SOBP: variants seen among roughly 807,000 people sequenced by gnomAD.
The protein encoded by SOBP is sine oculis-binding protein homolog.
A neutral mutation model predicts 53.6 loss-of-function variants in SOBP; 4 were observed. The observed-to-expected ratio is 0.07, with a 90% confidence interval of 0.04 to 0.17. SOBP has a LOEUF of 0.17. SOBP is among the 10% of genes least tolerant of loss of function. The probability of loss-of-function intolerance (pLI) is 1.00; values close to 1 mark genes in which losing one functional copy is unlikely to be tolerated. For missense variants in SOBP, 1,088 were observed against 1,204.7 expected, an observed-to-expected ratio of 0.90 and a Z score of 1.43; for synonymous variants, 584 against 522.6, an observed-to-expected ratio of 1.12 and a Z score of -1.60.
At chr6:107,585,356 C>G (rs1381872525) in intron 4 of SOBP, among the ~76,000 whole-genome samples, 2 of 152,164 alleles carry the variant, frequency 1.3e-5, no homozygotes, top group Non-Finnish European at 2.9e-5. Context: ...TACTTTCTTA[C>G]AACTGCCTTT....
At chr6:107,605,895 T>G (rs1786356386) in intron 5 of SOBP, among the ~76,000 whole-genome samples, 1 of 152,074 alleles carries the variant, frequency 6.6e-6, no homozygotes. Flanking sequence ...AGCATTCTTG[T>G]GCACACTAAA....
At chr6:107,627,069 C>G (rs146517680) in intron 5 of SOBP, among the ~76,000 whole-genome samples, 3 of 152,224 alleles carry the variant, frequency 2.0e-5, no homozygotes, top group Non-Finnish European at 4.4e-5. Flanking sequence ...TTTTGATGTA[C>G]GATTGAATTT....
At chr6:107,510,066 A>G (rs946220157) in intron 3 of SOBP, among the ~76,000 whole-genome samples, 17 of 152,226 alleles carry the variant, frequency 1.1e-4, no homozygotes, top group Admixed American at 6.5e-5. Context: ...TATCTAGGGC[A>G]GGGGTCTGCA....
rs887698048 is a variant in SOBP at position 107,521,418 on chromosome 6, C to A, written c.422-12041C>A. Among the ~76,000 whole-genome samples the A allele has an allele frequency of 3.9e-5, 6 of 152,272 alleles. No homozygotes were observed. In the South Asian group the frequency reaches 1.2e-3, roughly 32 times the overall value. On this transcript the variant is annotated intron_variant, in intron 3 of 6. Coordinates refer to ENST00000317357, the MANE Select transcript of SOBP (RefSeq NM_018013.4). Reference sequence around the variant, plus strand: ...AGACTAAATATAGGATTAAAAAGGTCAAATTACATTCTAGGGCTTAGTTGC... The same window carrying A: ...AGACTAAATATAGGATTAAAAAGGTAAAATTACATTCTAGGGCTTAGTTGC...
chr6:107,533,418 T>C lies in SOBP; in HGVS notation c.422-41T>C, dbSNP rs759504449. 20 of 1,611,736 alleles carry C rather than the reference T, an allele frequency of 1.2e-5. No homozygotes were observed. In the South Asian group the frequency reaches 2.1e-4, roughly 17 times the overall value. ...GGTGTGTCTAAATTTGAAGGGATGT[T>C]TGCTTCTGATATGAACATTTTTCTT... On this transcript the variant is annotated intron_variant, in intron 3 of 6. Transcript: ENST00000317357.
chr6:107,581,416 A>G (rs1008560160), intron 4 of SOBP, among the ~76,000 whole-genome samples: 3 of 152,184 alleles, frequency 2.0e-5, no homozygotes, highest in East Asian at 3.9e-4. Flanking sequence ...GGCCACTGAG[A>G]TGAGCTCAAC....
intron 5 of SOBP, among the ~76,000 whole-genome samples, chr6:107,631,477 C>T (rs1434073353): frequency 2.0e-5 from 3 of 152,170 alleles, no homozygotes; most frequent in African/African-American, 7.2e-5. Context: ...AACTTACATG[C>T]ATCATGTTTC....
intron 3 of SOBP, among the ~76,000 whole-genome samples, chr6:107,523,096 TA>T (rs1180564765): frequency 3.9e-5 from 6 of 152,194 alleles, no homozygotes; most frequent in Admixed American, 3.9e-4. Context: ...TCATGAAAGA[TA>T]ATTGTGTTGA....
At chr6:107,564,371 A>G (rs1368932319) in intron 4 of SOBP, among the ~76,000 whole-genome samples, 3 of 152,192 alleles carry the variant, frequency 2.0e-5, no homozygotes, top group Non-Finnish European at 4.4e-5. Context: ...TCTCTCCCCC[A>G]GGAGGTCACT....
intron 4 of SOBP, among the ~76,000 whole-genome samples, chr6:107,540,544 A>G (rs544678361): frequency 4.6e-4 from 70 of 152,344 alleles, no homozygotes; most frequent in South Asian, 2.7e-3. Flanking sequence ...GAGGTTACAA[A>G]CATCAGTCTA....
intron 3 of SOBP, among the ~76,000 whole-genome samples, chr6:107,530,666 A>C (rs754558241): frequency 2.0e-5 from 3 of 152,126 alleles, no homozygotes; most frequent in Non-Finnish European, 4.4e-5. Flanking sequence ...TTAATACTAG[A>C]AAAGGAGAAA....
chr6:107,512,227 A>G (rs1056032723), intron 3 of SOBP, among the ~76,000 whole-genome samples: 4 of 152,244 alleles, frequency 2.6e-5, no homozygotes, highest in African/African-American at 7.2e-5. Context: ...GTGGCAAAAA[A>G]TATGTCAGCA....
At chr6:107,603,943 G>GA (rs1786275034) in intron 5 of SOBP, among the ~76,000 whole-genome samples, 1 of 151,944 alleles carries the variant, frequency 6.6e-6, no homozygotes, top group Non-Finnish European at 1.5e-5. Flanking sequence ...TGTACTGGGG[G>GA]CATCCTTTGT....
intron 6 of SOBP, among the ~76,000 whole-genome samples, chr6:107,644,347 C>T (rs1300738574): frequency 1.3e-5 from 2 of 152,134 alleles, no homozygotes; most frequent in Non-Finnish European, 2.9e-5. Flanking sequence ...AGTGTTGGAT[C>T]TCAGTCTGTG....
At chr6:107,571,114 G>A (rs1785061727) in intron 4 of SOBP, among the ~76,000 whole-genome samples, 2 of 152,172 alleles carry the variant, frequency 1.3e-5, no homozygotes, top group African/African-American at 4.8e-5. Flanking sequence ...ATTGTTCTTT[G>A]TTACTGTGGG....
intron 3 of SOBP, among the ~76,000 whole-genome samples, chr6:107,508,923 G>A (rs926265656): frequency 3.1e-4 from 47 of 152,328 alleles, no homozygotes; most frequent in East Asian, 1.9e-4. Flanking sequence ...GGTAGTATGA[G>A]TAAGTGACAA....
intron 5 of SOBP, chr6:107,621,193 T>C: frequency 4.8e-6 from 3 of 628,914 alleles, no homozygotes; most frequent in Non-Finnish European, 5.9e-6. Context: ...TATATATGAA[T>C]ACCTATCTGT....
intron 6 of SOBP, among the ~76,000 whole-genome samples, chr6:107,650,536 A>G (rs1771761041): frequency 1.3e-5 from 2 of 152,340 alleles, no homozygotes; most frequent in East Asian, 1.9e-4. Flanking sequence ...CATTTTCATT[A>G]TCATATCTGT....
intron 4 of SOBP, among the ~76,000 whole-genome samples, chr6:107,545,006 T>C (rs1784256908): frequency 6.6e-6 from 1 of 152,214 alleles, no homozygotes; most frequent in African/African-American, 2.4e-5. Flanking sequence ...AATACTGTAA[T>C]AATCACAATG....
Sources: gnomAD v4.1 joint callset for allele counts (sites outside exome capture counted in the v4.1 genomes callset) on GRCh38, gnomAD v4.1.1 for gene constraint, MANE v1.5 for transcripts, NCBI Gene and HGNC (gene_info 2026-07-23, HGNC 2026-07-21) for gene names.